KIRREL1: variants seen among roughly 807,000 people sequenced by gnomAD.
KIRREL1 encodes kirre like nephrin family adhesion molecule 1, also known as kin of IRRE-like protein 1.
Under a neutral mutation model 83.3 loss-of-function variants are expected in KIRREL1, and 25 were observed. That is an observed-to-expected ratio of 0.30 (90% confidence interval 0.22 to 0.42). KIRREL1 has a LOEUF of 0.42. KIRREL1 is among the 10% of genes least tolerant of loss of function. The pLI is 1.00. For missense variants in KIRREL1, 812 were observed against 1,032.3 expected, an observed-to-expected ratio of 0.79 and a Z score of 2.92; for synonymous variants, 388 against 410.4, an observed-to-expected ratio of 0.95 and a Z score of 0.66.
Position 158,095,299 on chromosome 1 carries a change from C to T in KIRREL1, c.*179C>T, listed in dbSNP as rs763886043. On this transcript the variant is annotated 3_prime_UTR_variant, in exon 15 of 15. Coordinates refer to ENST00000359209, the MANE Select transcript of KIRREL1 (RefSeq NM_018240.7). Reference sequence around the variant, plus strand: ...CCCGTCCCGAGGATGGTGCTCTGTGCATGCCCCAGCCTCCTGGGCCTGCCC... The same window carrying T: ...CCCGTCCCGAGGATGGTGCTCTGTGTATGCCCCAGCCTCCTGGGCCTGCCC... The T allele has an allele frequency of 2.4e-5, 14 of 581,774 alleles. No homozygotes were observed. The highest frequency in any genetic ancestry group is 4.3e-5 in the Non-Finnish European group (14 of 328,934). 36.0% of individuals were successfully genotyped at this position (581,774 alleles called of 1,614,324 possible).
intron 1 of KIRREL1, among the ~76,000 whole-genome samples, chr1:158,057,588 C>T (rs1453604608): frequency 6.6e-6 from 1 of 152,102 alleles, no homozygotes; most frequent in African/African-American, 2.4e-5. Flanking sequence ...TCCAGGAAGG[C>T]CTCCTAGGAT....
rs1232703858 is a variant in KIRREL1 at position 158,089,799 on chromosome 1, C to T, written c.1253C>T (p.Thr418Ile). 1.2e-6 allele frequency: 2 copies of T among 1,613,958 alleles called. No homozygotes were observed. The highest frequency in any genetic ancestry group is 1.1e-5 in the South Asian group (1 of 91,082). Residue 418 changes from threonine (T) to isoleucine (I), a missense_variant, in exon 10 of 15, where the codon ACA becomes ATA. By Grantham distance (89) the Thr-to-Ile change is moderately conservative. Coordinates refer to ENST00000359209, the MANE Select transcript of KIRREL1 (RefSeq NM_018240.7). Reference protein sequence around the residue: ...GGKVECFIGSTPPPDRIAWAW... With the variant: ...GGKVECFIGSIPPPDRIAWAW... Reference sequence around the variant, plus strand: ...AAGGTGGAGTGTTTCATTGGGAGCACACCACCCCCAGACCGCATAGTGAGT... The same window carrying T: ...AAGGTGGAGTGTTTCATTGGGAGCATACCACCCCCAGACCGCATAGTGAGT...
intron 1 of KIRREL1, among the ~76,000 whole-genome samples, chr1:158,066,939 T>G (rs1661371850): frequency 6.6e-6 from 1 of 152,150 alleles, no homozygotes; most frequent in Non-Finnish European, 1.5e-5. Flanking sequence ...ACCACCCCCT[T>G]TCTGCTCCCA....
At chr1:158,088,206 G>T (rs1327056368) in intron 7 of KIRREL1, 52 bp downstream of exon 7, 1 of 1,613,258 alleles carries the variant, frequency 6.2e-7, no homozygotes, top group African/African-American at 1.3e-5. Context: ...GCCCCCAAAG[G>T]GCCTTGGACA....
chr1:158,084,754 A>C (rs1661971411), intron 4 of KIRREL1, among the ~76,000 whole-genome samples, 175 bp downstream of exon 4: 3 of 152,362 alleles, frequency 2.0e-5, no homozygotes, highest in African/African-American at 7.2e-5. Flanking sequence ...AGAGAAGAGA[A>C]ATGAATTCCT....
intron 1 of KIRREL1, among the ~76,000 whole-genome samples, chr1:158,069,969 A>AG (rs1257548601): frequency 6.6e-6 from 1 of 152,206 alleles, no homozygotes; most frequent in East Asian, 1.9e-4. Flanking sequence ...ATGAATCACC[A>AG]AAACCTCTCT....
chr1:158,080,057 G>A (rs1310585743), intron 3 of KIRREL1, among the ~76,000 whole-genome samples: 1 of 152,090 alleles, frequency 6.6e-6, no homozygotes, highest in Non-Finnish European at 1.5e-5. Context: ...AAAATTAGAC[G>A]GTGATCTTGA....
intron 1 of KIRREL1, among the ~76,000 whole-genome samples, chr1:158,056,774 G>T (rs1026517052): frequency 6.6e-6 from 1 of 152,226 alleles, no homozygotes; most frequent in African/African-American, 2.4e-5. Flanking sequence ...TTCCAGAGCA[G>T]CTGGCTGGGC....
rs2101637110 is a variant in KIRREL1, at chr1:158,086,664, C to T, written c.579C>T (p.Asp193=). Residue 193 remains aspartate (D), a synonymous_variant, in exon 5 of 15, where the codon GAC becomes GAT. Coordinates refer to ENST00000359209, the MANE Select transcript of KIRREL1 (RefSeq NM_018240.7). The stretch of plus-strand genomic sequence containing the variant: ...TGCTTATTAACCCCACGGACCTGGA[C>T]ATAGGGCGTGTCTTCACTTGCCGAA... ...SQLLINPTDL[D]IGRVFTCRSM... 1 of 1,551,848 alleles carries T rather than the reference C, an allele frequency of 6.4e-7. No individual in the cohort carries two copies. Among genetic ancestry groups the T allele is most frequent in the South Asian group, 1.2e-5 (1 of 84,028 alleles).
chr1:158,042,816 G>C (rs1434591450), intron 1 of KIRREL1, among the ~76,000 whole-genome samples: 1 of 150,448 alleles, frequency 6.6e-6, no homozygotes, highest in Non-Finnish European at 1.5e-5. Context: ...GCTCACTCCT[G>C]TAATCCAAGC....
chr1:158,052,791 A>C (rs1032067115), intron 1 of KIRREL1, among the ~76,000 whole-genome samples: 1 of 152,182 alleles, frequency 6.6e-6, no homozygotes, highest in Non-Finnish European at 1.5e-5. Context: ...ATTTCAAAAA[A>C]AAAGAGAGAG....
chr1:158,027,984 G>A (rs572122593), intron 1 of KIRREL1, among the ~76,000 whole-genome samples: 40 of 152,160 alleles, frequency 2.6e-4, no homozygotes, highest in African/African-American at 8.2e-4. Flanking sequence ...AAAGACCCAC[G>A]CTCCCACCTC....
intron 1 of KIRREL1, among the ~76,000 whole-genome samples, chr1:158,068,447 C>T (rs1661414635): frequency 6.6e-6 from 1 of 152,170 alleles, no homozygotes; most frequent in Non-Finnish European, 1.5e-5. Flanking sequence ...GGATTCTAGG[C>T]TGGGCTGTGT....
chr1:158,066,711 T>C (rs914538868), intron 1 of KIRREL1, among the ~76,000 whole-genome samples: 13 of 152,192 alleles, frequency 8.5e-5, no homozygotes, highest in African/African-American at 2.7e-4. Context: ...CCCCAGCTTC[T>C]GGTGCCTTTC....
At chr1:158,062,173 T>A (rs1325927601) in intron 1 of KIRREL1, among the ~76,000 whole-genome samples, 1 of 152,206 alleles carries the variant, frequency 6.6e-6, no homozygotes, top group Non-Finnish European at 1.5e-5. Flanking sequence ...TTCCCTGGCC[T>A]CTGCTCTTGG....
At chr1:158,037,295 T>C (rs6694361) in intron 1 of KIRREL1, among the ~76,000 whole-genome samples, 151,534 of 152,244 alleles carry the variant, frequency 1, 75,419 homozygotes, top group Middle Eastern at 1. Flanking sequence ...GACTTCAAGA[T>C]CAGCCTGGCC....
intron 1 of KIRREL1, among the ~76,000 whole-genome samples, chr1:158,072,667 A>T (rs941395303): frequency 2.0e-5 from 3 of 152,144 alleles, no homozygotes; most frequent in East Asian, 1.9e-4. Context: ...TCTCAGTGAG[A>T]GGAGGAACAA....
At chr1:158,022,997 G>A (rs7527064) in intron 1 of KIRREL1, among the ~76,000 whole-genome samples, 15,407 of 152,260 alleles carry the variant, frequency 0.1, 1,062 homozygotes, top group South Asian at 0.21. Context: ...GTCTTCTGAA[G>A]TTCTTTTTGG....
chr1:158,087,709 C>T (rs1662056048), intron 5 of KIRREL1, 46 bp from the exon 6 acceptor site: 10 of 1,427,336 alleles, frequency 7.0e-6, no homozygotes, highest in Non-Finnish European at 9.8e-6. Flanking sequence ...GAAAAAGAAA[C>T]TCAAGGGACA....
Sources: allele counts gnomAD v4.1 joint callset (sites outside exome capture counted in the v4.1 genomes callset), GRCh38; gene constraint gnomAD v4.1.1; transcripts MANE v1.5; gene names NCBI Gene and HGNC (gene_info 2026-07-23, HGNC 2026-07-21).